The following KIF5C variants were observed in gnomAD, a reference collection of about 807,000 sequenced individuals.
KIF5C encodes kinesin heavy chain isoform 5C.
KIF5C carries 18 observed loss-of-function variants against 125.2 expected under a neutral mutation model. That is an observed-to-expected ratio of 0.14 (90% CI 0.10 to 0.21). The LOEUF (loss-of-function observed/expected upper bound fraction) is 0.21, where lower values mean the gene tolerates loss of function less well. Among genes scored for constraint, KIF5C ranks in the 10% least tolerant of loss-of-function variants. The pLI is 1.00. For missense variants in KIF5C, 780 were observed against 1,183.8 expected (o/e 0.66, Z 5.01); for synonymous variants, 405 against 434.0 (o/e 0.93, Z 0.83).
intron 1 of KIF5C, chr2:148,879,740 G>T (rs998175416): frequency 3.3e-5 from 5 of 152,174 alleles, no homozygotes; most frequent in African/African-American, 7.2e-5. Flanking sequence ...TCTCTGACAT[G>T]GTGAGTTCTC....
rs551939890 is a variant in KIF5C at position 149,024,318 on chromosome 2, T to A, written c.*1248T>A. The A allele has an allele frequency of 6.6e-6, 1 of 152,648 alleles. No individual in the cohort carries two copies. Among genetic ancestry groups the A allele is most frequent in the African/African-American group, 2.4e-5 (1 of 41,532 alleles). 9.5% of individuals were successfully genotyped at this position (152,648 alleles called of 1,614,324 possible). ...AAGTTTTCAGGGAAACTGACTGTGC[T>A]GCTATTTGTTTTGACAAATTTGGGG... On this transcript the variant is annotated 3_prime_UTR_variant, in exon 26 of 26. Transcript: ENST00000435030.
At chr2:148,903,203 T>C (rs1373122871) in intron 1 of KIF5C, among the ~76,000 whole-genome samples, 1 of 152,224 alleles carries the variant, frequency 6.6e-6, no homozygotes, top group East Asian at 1.9e-4. Flanking sequence ...ACTAAGTGTA[T>C]GCTCCATAAA....
At chr2:149,001,900 T>C (rs1047248953) in intron 21 of KIF5C, among the ~76,000 whole-genome samples, 1 of 152,234 alleles carries the variant, frequency 6.6e-6, no homozygotes, top group Non-Finnish European at 1.5e-5. Context: ...AACTGGTTGC[T>C]TGGGTCTGGC....
intron 9 of KIF5C, 40 bp downstream of exon 9, chr2:148,949,983 G>A (rs1051998102): frequency 1.3e-6 from 2 of 1,588,850 alleles, no homozygotes; most frequent in African/African-American, 1.3e-5. Flanking sequence ...AATATTATGA[G>A]AAACCACCTT....
chr2:148,993,718 C>A (rs1484082584), intron 16 of KIF5C, among the ~76,000 whole-genome samples: 1 of 152,194 alleles, frequency 6.6e-6, no homozygotes, highest in Non-Finnish European at 1.5e-5. Context: ...TTTCCATCTG[C>A]CTAGAAGTTA....
chr2:148,887,681 CT>C (rs35338664), intron 1 of KIF5C, among the ~76,000 whole-genome samples: 483 of 142,278 alleles, frequency 3.4e-3, no homozygotes, highest in Admixed American at 3.4e-3. Flanking sequence ...GTAAAATTTG[CT>C]TTTTTTTTTT....
intron 1 of KIF5C, among the ~76,000 whole-genome samples, chr2:148,899,455 A>G (rs1206802303): frequency 1.3e-5 from 2 of 152,138 alleles, no homozygotes; most frequent in African/African-American, 4.8e-5. Context: ...TAATCCCAGC[A>G]CTTTGGGAGG....
intron 8 of KIF5C, among the ~76,000 whole-genome samples, chr2:148,948,682 C>G (rs1202117227): frequency 2.0e-5 from 3 of 151,734 alleles, no homozygotes; most frequent in Non-Finnish European, 4.4e-5. Flanking sequence ...CCCGTCTCCC[C>G]TGAATGGTGT....
intron 1 of KIF5C, among the ~76,000 whole-genome samples, chr2:148,886,990 C>T (rs974980390): frequency 6.6e-6 from 1 of 152,170 alleles, no homozygotes; most frequent in African/African-American, 2.4e-5. Context: ...ATATACACCT[C>T]TTTGATAGCT....
At chr2:148,921,425 C>G (rs1185543718) in intron 1 of KIF5C, among the ~76,000 whole-genome samples, 1 of 152,202 alleles carries the variant, frequency 6.6e-6, no homozygotes, top group Admixed American at 6.5e-5. Context: ...AGAGCAGCTA[C>G]TTAAATCTGT....
At position 148,950,297 on chromosome 2, in the gene KIF5C, T is replaced by C; in HGVS notation, c.820-17T>C. On this transcript the variant is annotated splice_polypyrimidine_tract_variant and intron_variant, in intron 9 of 25. Coordinates refer to ENST00000435030, the MANE Select transcript of KIF5C (RefSeq NM_004522.3). ...GAATGGGCTGTCAAAACCAATACTT[T>C]TTCTTTTCCTAAATAGAAAACACAT... 1 of 1,611,484 alleles carries C rather than the reference T, an allele frequency of 6.2e-7. No homozygotes were observed. The highest frequency in any genetic ancestry group is 8.5e-7 in the Non-Finnish European group (1 of 1,178,046).
chr2:149,021,716 CTTT>C (rs34201201), intron 25 of KIF5C, among the ~76,000 whole-genome samples: 76 of 134,980 alleles, frequency 5.6e-4, no homozygotes, highest in Non-Finnish European at 6.1e-4. Context: ...TTACAGAGGG[CTTT>C]TTTTTTTTTT....
intron 1 of KIF5C, among the ~76,000 whole-genome samples, chr2:148,909,262 G>C (rs1227317729): frequency 6.6e-6 from 1 of 152,158 alleles, no homozygotes; most frequent in Admixed American, 6.5e-5. Context: ...CCAGCTCAAG[G>C]TTTCACGCTT....
chr2:148,888,263 C>T (rs1681608207), intron 1 of KIF5C: 1 of 152,240 alleles, frequency 6.6e-6, no homozygotes, highest in South Asian at 2.1e-4. Flanking sequence ...AGGAGCGACG[C>T]CGTGATGCAA....
intron 11 of KIF5C, among the ~76,000 whole-genome samples, chr2:148,969,422 A>AGTGTGTGTGTGTGT (rs151238332): frequency 2.3e-3 from 323 of 141,366 alleles, no homozygotes; most frequent in African/African-American, 6.7e-3. Flanking sequence ...GAAGGTTTCC[A>AGTGTGTGTGTGTGT]GTGTGTGTGT....
intron 1 of KIF5C, among the ~76,000 whole-genome samples, chr2:148,899,642 G>A (rs1188783943): frequency 6.7e-6 from 1 of 150,342 alleles, no homozygotes; most frequent in Non-Finnish European, 1.5e-5. Context: ...GGCAGAGGTT[G>A]CGGTGAGCCG....
At chr2:148,954,262 C>T (rs1014250923) in intron 10 of KIF5C, among the ~76,000 whole-genome samples, 2 of 152,130 alleles carry the variant, frequency 1.3e-5, no homozygotes, top group Non-Finnish European at 2.9e-5. Flanking sequence ...CTCCTGTGTT[C>T]TCAAAGAGCT....
chr2:148,960,614 G>A (rs1312087994), intron 10 of KIF5C, among the ~76,000 whole-genome samples: 2 of 152,226 alleles, frequency 1.3e-5, no homozygotes, highest in African/African-American at 4.8e-5. Context: ...GTCTTACATT[G>A]AAGTTGTTAA....
At chr2:148,877,187 G>A (rs1681218669) in intron 1 of KIF5C, 1 of 152,280 alleles carries the variant, frequency 6.6e-6, no homozygotes, top group Non-Finnish European at 1.5e-5. Flanking sequence ...CGCTAGAGGA[G>A]CCTGGGCAAG....
Sources: allele counts gnomAD v4.1 joint callset (sites outside exome capture counted in the v4.1 genomes callset), GRCh38; gene constraint gnomAD v4.1.1; transcripts MANE v1.5; gene names NCBI Gene and HGNC (gene_info 2026-07-23, HGNC 2026-07-21).